Variants in ARMC2 observed in about 807,000 individuals in gnomAD.
ARMC2 encodes the protein armadillo repeat-containing protein 2.
ARMC2 carries 67 observed loss-of-function variants against 90.3 expected under a neutral mutation model. The ratio of observed to expected loss-of-function variants is 0.74; its 90% CI spans 0.61 to 0.91. The LOEUF (loss-of-function observed/expected upper bound fraction) is 0.91, where lower values mean the gene tolerates loss of function less well. Among genes scored for constraint, ARMC2 ranks in the 40% least tolerant of loss-of-function variants. ARMC2 has a pLI of 0.00. For missense variants in ARMC2, 920 were observed against 1,030.9 expected (o/e 0.89, Z 1.47); for synonymous variants, 393 against 393.0 (o/e 1.00, Z 0.00).
intron 5 of ARMC2, among the ~76,000 whole-genome samples, chr6:108,891,905 T>A (rs938916949): frequency 1.3e-5 from 2 of 152,218 alleles, no homozygotes; most frequent in African/African-American, 4.8e-5. Flanking sequence ...CTTTAATCCA[T>A]CTTGAGTTAA....
intron 3 of ARMC2, among the ~76,000 whole-genome samples, chr6:108,865,835 T>C (rs374207561): frequency 1.3e-4 from 20 of 152,040 alleles, no homozygotes; most frequent in African/African-American, 4.1e-4. Context: ...CTGGGCCACA[T>C]AGGGAGACCC....
At chr6:108,941,307 C>T (rs1011432426) in intron 12 of ARMC2, among the ~76,000 whole-genome samples, 6 of 152,140 alleles carry the variant, frequency 3.9e-5, no homozygotes, top group African/African-American at 1.4e-4. Context: ...ATCAGTGCAA[C>T]ATTTTTAAGA....
the ARMC2 span, chr6:108,987,037 C>T: frequency 6.5e-6 from 1 of 152,742 alleles, no homozygotes. Context: ...AATTTGAAAT[C>T]ACACAAGTTA....
At chr6:108,991,776 C>T in the ARMC2 span, among the ~76,000 whole-genome samples, 2 of 152,188 alleles carry the variant, frequency 1.3e-5, no homozygotes, top group African/African-American at 4.8e-5. Flanking sequence ...ACAAACCCCA[C>T]ATAATCTAAT....
intron 7 of ARMC2, among the ~76,000 whole-genome samples, chr6:108,900,432 TC>T (rs1183439744): frequency 6.6e-6 from 1 of 152,188 alleles, no homozygotes; most frequent in African/African-American, 2.4e-5. Flanking sequence ...GGATTCTCTT[TC>T]TGAAGTTAAC....
At chr6:108,944,761 A>G (rs1180320739) in intron 12 of ARMC2, among the ~76,000 whole-genome samples, 1 of 152,116 alleles carries the variant, frequency 6.6e-6, no homozygotes, top group Non-Finnish European at 1.5e-5. Flanking sequence ...AATGGCCCTC[A>G]GTGAAGTGGG....
At chr6:109,008,122 G>A in the ARMC2 span, among the ~76,000 whole-genome samples, 10 of 152,266 alleles carry the variant, frequency 6.6e-5, no homozygotes, top group East Asian at 1.9e-3. Context: ...CAATATGCAA[G>A]CCAAAATCTA....
rs1191625016 is a variant in ARMC2 at position 108,928,328 on chromosome 6, C to T, written c.1496+95C>T. On this transcript the variant is annotated intron_variant, in intron 11 of 17. Transcript: ENST00000392644. The stretch of plus-strand genomic sequence containing the variant: ...TTTGCTTGTGTGACTGGCAAGGAAT[C>T]CTTTTCCTTCTTTTTACTTCGCCTA... 2.6e-5 allele frequency: 33 copies of T among 1,247,574 alleles called. No homozygotes were observed. In the Admixed American group the frequency reaches 9.3e-4, roughly 35 times the overall value. 77.3% of individuals were successfully genotyped at this position (1,247,574 alleles called of 1,614,324 possible).
In ARMC2 at chr6:108,936,896, G is replaced by A; in HGVS notation, c.1497-4G>A. ...CTTTATTTTCCCATTTGGCATTTCTGCAGCAAACTTACTTCTTACCGTGAC... is the reference window on the plus strand; with the variant it reads ...CTTTATTTTCCCATTTGGCATTTCTACAGCAAACTTACTTCTTACCGTGAC... On this transcript the variant is annotated splice_polypyrimidine_tract_variant and splice_region_variant and intron_variant, in intron 11 of 17. Transcript: ENST00000392644. The A allele has an allele frequency of 6.3e-7, 1 of 1,585,718 alleles. No individual in the cohort carries two copies. Among genetic ancestry groups the A allele is most frequent in the Admixed American group, 1.8e-5 (1 of 55,706 alleles).
intron 10 of ARMC2, among the ~76,000 whole-genome samples, chr6:108,914,974 CAG>C (rs1773802039): frequency 6.7e-6 from 1 of 149,940 alleles, no homozygotes; most frequent in Admixed American, 6.6e-5. Context: ...CTTTTTGAGA[CAG>C]AGTTTTGCTT....
intron 11 of ARMC2, among the ~76,000 whole-genome samples, chr6:108,933,240 T>C (rs2798648): frequency 0.25 from 37,799 of 151,946 alleles, 4,929 homozygotes; most frequent in East Asian, 0.4. Flanking sequence ...TCTCTGATTT[T>C]TTTGAGTAGT....
the ARMC2 span, among the ~76,000 whole-genome samples, chr6:109,027,124 T>G: frequency 1.3e-5 from 2 of 151,506 alleles, no homozygotes; most frequent in Non-Finnish European, 2.9e-5. Flanking sequence ...GGGCTGAGAT[T>G]GCATCACTGC....
At chr6:108,932,153 C>T (rs1775610690) in intron 11 of ARMC2, among the ~76,000 whole-genome samples, 1 of 151,910 alleles carries the variant, frequency 6.6e-6, no homozygotes, top group Non-Finnish European at 1.5e-5. Context: ...TTGACAGATG[C>T]ATAGTTTGCA....
chr6:108,933,901 G>A (rs370121525), intron 11 of ARMC2, among the ~76,000 whole-genome samples: 19 of 152,112 alleles, frequency 1.2e-4, no homozygotes, highest in East Asian at 9.7e-4. Flanking sequence ...TTGCTTTGTC[G>A]CCCAGGCTGG....
intron 10 of ARMC2, among the ~76,000 whole-genome samples, chr6:108,914,613 T>C (rs950184375): frequency 1.3e-5 from 2 of 152,208 alleles, no homozygotes; most frequent in Non-Finnish European, 2.9e-5. Context: ...GGTCACCAAA[T>C]GCCATTTGTA....
chr6:108,912,885 T>C (rs183329965), intron 10 of ARMC2, among the ~76,000 whole-genome samples: 47 of 152,286 alleles, frequency 3.1e-4, no homozygotes, highest in Middle Eastern at 3.4e-3. Flanking sequence ...ACAAGCTGCT[T>C]AGAGTGTTGA....
chr6:108,986,476 G>A, the ARMC2 span: 1 of 152,574 alleles, frequency 6.6e-6, no homozygotes, highest in Non-Finnish European at 1.5e-5. Flanking sequence ...AAAAATACCA[G>A]TAATACTGAC....
rs1250391672 is a variant in ARMC2 at position 108,961,592 on chromosome 6, T to G, written c.1936T>G (p.Cys646Gly). Residue 646 changes from cysteine to glycine, a missense_variant, in exon 14 of 18, where the codon TGT (cysteine) becomes GGT (glycine). Physicochemically the swap from Cys to Gly is radical, Grantham distance 159. Coordinates refer to ENST00000392644, the MANE Select transcript of ARMC2 (RefSeq NM_032131.6). Reference protein sequence around the residue: ...TTLEYKSLDDCEELVINATAT... With the variant: ...TTLEYKSLDDGEELVINATAT... ...TTCAGAATACAAGTCACTTGATGAT[T>G]GTGAGGAGCTGGTGATCAATGCTAC... 1 of 1,610,676 alleles carries G rather than the reference T, an allele frequency of 6.2e-7. No homozygotes were observed. Among genetic ancestry groups the G allele is most frequent in the Admixed American group, 1.7e-5 (1 of 59,288 alleles).
chr6:109,001,616 C>T, the ARMC2 span: 1 of 756,024 alleles, frequency 1.3e-6, no homozygotes, highest in South Asian at 1.9e-5. Context: ...AGAGGGGTTA[C>T]AAATTTAAAC....
Sources: allele counts gnomAD v4.1 joint callset (sites outside exome capture counted in the v4.1 genomes callset), GRCh38; gene constraint gnomAD v4.1.1; transcripts MANE v1.5; gene names NCBI Gene and HGNC (gene_info 2026-07-23, HGNC 2026-07-21).